Variants in ATRN observed in about 807,000 individuals in gnomAD.
The protein encoded by ATRN is attractin-2.
A neutral mutation model predicts 178.7 loss-of-function variants in ATRN; 54 were observed. That is an observed-to-expected ratio of 0.30 (90% CI 0.24 to 0.38). The LOEUF (loss-of-function observed/expected upper bound fraction) is 0.38. Among genes scored for constraint, ATRN ranks in the 10% least tolerant of loss-of-function variants. The pLI, the probability that ATRN is intolerant of heterozygous loss-of-function variation, is 1.00. For missense variants in ATRN, 1,443 were observed against 1,815.1 expected, an observed-to-expected ratio of 0.79 and a Z score of 3.73; for synonymous variants, 636 against 663.0, an observed-to-expected ratio of 0.96 and a Z score of 0.63.
intron 18 of ATRN, among the ~76,000 whole-genome samples, chr20:3,587,563 T>C (rs925942686): frequency 2.1e-4 from 32 of 152,242 alleles, no homozygotes; most frequent in African/African-American, 7.0e-4. Flanking sequence ...TTTTCTAAGC[T>C]CTCATTTTTG....
intron 18 of ATRN, among the ~76,000 whole-genome samples, chr20:3,590,613 A>G (rs2046365531): frequency 6.6e-6 from 1 of 152,266 alleles, no homozygotes; most frequent in African/African-American, 2.4e-5. Flanking sequence ...ATGTAAAGCA[A>G]ACTAAATATT....
chr20:3,602,191 G>C (rs577059010), intron 23 of ATRN, among the ~76,000 whole-genome samples: 1 of 151,954 alleles, frequency 6.6e-6, no homozygotes, highest in East Asian at 1.9e-4. Context: ...TCAGCCAGGC[G>C]TGGAGGCACG....
intron 1 of ATRN, among the ~76,000 whole-genome samples, chr20:3,497,738 A>G (rs1000399678): frequency 3.3e-5 from 5 of 152,086 alleles, no homozygotes; most frequent in Admixed American, 6.5e-5. Context: ...GTTCTCCTGG[A>G]TAATATCCTG....
intron 1 of ATRN, among the ~76,000 whole-genome samples, chr20:3,479,768 G>T (rs1361557238): frequency 6.6e-6 from 1 of 152,164 alleles, no homozygotes; most frequent in Non-Finnish European, 1.5e-5. Flanking sequence ...TTCGCTTCTG[G>T]AGTTGCCAGC....
chr20:3,582,166 T>A lies in ATRN; in HGVS notation c.2576T>A (p.Leu859His). ...SKLTLTPWVG[L>H]RKINVSYWCW... The stretch of plus-strand genomic sequence containing the variant: ...CTCACCTTAACCCCATGGGTCGGCC[T>A]TCGGAAGATCAATGTGTCCTACTGG... Residue 859 changes from leucine to histidine, a missense_variant, in exon 16 of 29, where the codon CTT becomes CAT. Physicochemically the swap from Leu to His is moderately conservative, Grantham distance 99. Around this residue, in one of 4 missense-constraint regions of ATRN, gnomAD observed 212 missense variants for 330.7 expected, o/e 0.64. Coordinates refer to ENST00000262919, the MANE Select transcript of ATRN (RefSeq NM_139321.3). 1 of 1,614,180 alleles carries A rather than the reference T, an allele frequency of 6.2e-7. No homozygotes were observed. Among genetic ancestry groups the A allele is most frequent in the Non-Finnish European group, 8.5e-7 (1 of 1,180,002 alleles).
In ATRN at chr20:3,584,868, A is replaced by C; in HGVS notation, c.3172A>C (p.Ile1058Leu). The change falls in exon 18 of 29, where the codon ATT becomes CTT. Residue 1058 changes from isoleucine (I) to leucine (L), a missense_variant. Around this residue, in one of 4 missense-constraint regions of ATRN, gnomAD observed 80 missense variants for 71.5 expected, o/e 1.12. Transcript: ENST00000262919. Reference sequence around the variant, plus strand: ...GGACAGCAGATACAACTGGTCTTTCATTCACTGTCCAGGTAAGATGCCTTG... The same window carrying C: ...GGACAGCAGATACAACTGGTCTTTCCTTCACTGTCCAGGTAAGATGCCTTG... The part of the protein sequence containing the change: ...LEDSRYNWSF[I>L]HCPACQCNGH... 6.2e-7 allele frequency: 1 copy of C among 1,614,076 alleles called. No individual in the cohort carries two copies. The highest frequency in any genetic ancestry group is 1.7e-5 in the Admixed American group (1 of 60,030).
intron 1 of ATRN, among the ~76,000 whole-genome samples, chr20:3,484,851 G>A (rs931217721): frequency 1.3e-4 from 20 of 151,440 alleles, no homozygotes; most frequent in Non-Finnish European, 2.7e-4. Flanking sequence ...ACTCGATAGA[G>A]AATTTTGTTA....
intron 1 of ATRN, among the ~76,000 whole-genome samples, chr20:3,517,932 C>G (rs2085228865): frequency 6.6e-6 from 1 of 152,170 alleles, no homozygotes; most frequent in Non-Finnish European, 1.5e-5. Flanking sequence ...CAGGTGGCCT[C>G]TTTGCACATA....
rs978190134 is a variant in ATRN at position 3,649,360 on chromosome 20, A to T, written c.*2513A>T. ...GACATTCGGAGTGTACATAAAACAG[A>T]AAAAATCTTCATGTATTTTTATTAA... On this transcript the variant is annotated 3_prime_UTR_variant, in exon 29 of 29. Transcript: ENST00000262919. 6.6e-6 allele frequency: 1 copy of T among 152,654 alleles called. No homozygotes were observed. The highest frequency in any genetic ancestry group is 1.5e-5 in the Non-Finnish European group (1 of 68,038). 9.5% of individuals were successfully genotyped at this position (152,654 alleles called of 1,614,324 possible).
intron 13 of ATRN, among the ~76,000 whole-genome samples, chr20:3,576,588 G>C (rs952192038): frequency 1.3e-5 from 2 of 152,002 alleles, no homozygotes; most frequent in Non-Finnish European, 2.9e-5. Context: ...TAAAAGAGTG[G>C]GCTGCTTCCT....
chr20:3,545,515 G>A lies in ATRN; in HGVS notation c.609-247G>A, dbSNP rs115591503. Among the ~76,000 whole-genome samples the A allele has an allele frequency of 4.7e-3, 717 of 152,238 alleles. 5 individuals are homozygous for A. The highest frequency in any genetic ancestry group is 0.016 in the African/African-American group (677 of 41,538). ...AAAGTTTTATAAGAAAAAGAATAGGGCCATTGATTTCAAATCTCATTAGAA... is the reference window on the plus strand; with the variant it reads ...AAAGTTTTATAAGAAAAAGAATAGGACCATTGATTTCAAATCTCATTAGAA... On this transcript the variant is annotated intron_variant, in intron 3 of 28. Coordinates refer to ENST00000262919, the MANE Select transcript of ATRN (RefSeq NM_139321.3).
chr20:3,596,302 G>C, intron 20 of ATRN, 75 bp from the exon 21 acceptor site: 1 of 1,393,284 alleles, frequency 7.2e-7, no homozygotes. Flanking sequence ...TTATATAAAA[G>C]GATCTGTTTG....
At position 3,644,100 on chromosome 20, in the gene ATRN, C is replaced by T. The variant is rs1018409588; in HGVS notation, c.4051-54C>T. ...AAGCACAAATGACCGTTAAGTTGTCCGTATACATTAAAGCTTGAGTATCAC... is the reference window on the plus strand; with the variant it reads ...AAGCACAAATGACCGTTAAGTTGTCTGTATACATTAAAGCTTGAGTATCAC... On this transcript the variant is annotated intron_variant, in intron 27 of 28. Coordinates refer to ENST00000262919, the MANE Select transcript of ATRN (RefSeq NM_139321.3). The T allele has an allele frequency of 5.2e-5, 68 of 1,316,876 alleles. No homozygotes were observed. The African/African-American group carries it at 5.2e-4, about 10-fold the overall frequency. The allele number at this position is 1,316,876 out of a possible 1,614,324, so 81.6% of individuals were successfully genotyped here.
intron 1 of ATRN, among the ~76,000 whole-genome samples, chr20:3,534,270 C>T (rs760604988): frequency 7.2e-5 from 11 of 152,060 alleles, no homozygotes; most frequent in Non-Finnish European, 1.3e-4. Flanking sequence ...GCCAAAGTCT[C>T]ATTGGAAAGG....
intron 24 of ATRN, among the ~76,000 whole-genome samples, chr20:3,623,829 G>A (rs1312042950): frequency 6.6e-6 from 1 of 152,160 alleles, no homozygotes; most frequent in Non-Finnish European, 1.5e-5. Context: ...CTTATGGTCA[G>A]TGACTTAAAA....
intron 11 of ATRN, among the ~76,000 whole-genome samples, chr20:3,571,838 C>T (rs578094606): frequency 1.3e-5 from 2 of 151,934 alleles, no homozygotes; most frequent in East Asian, 1.9e-4. Flanking sequence ...TTCATATGAC[C>T]AGATTTTTCA....
intron 2 of ATRN, among the ~76,000 whole-genome samples, chr20:3,539,485 G>C (rs1176468552): frequency 7.4e-6 from 1 of 135,298 alleles, no homozygotes; most frequent in Non-Finnish European, 1.6e-5. Context: ...AAGAGAAACA[G>C]AAAGAGAATT....
At chr20:3,526,028 C>A (rs762693946) in intron 1 of ATRN, among the ~76,000 whole-genome samples, 3 of 151,930 alleles carry the variant, frequency 2.0e-5, no homozygotes, top group Admixed American at 6.6e-5. Flanking sequence ...CCTATTCAAC[C>A]TAATATGGAA....
At chr20:3,594,356 G>T (rs896323132) in intron 19 of ATRN, 123 bp from the exon 20 acceptor site, 4 of 619,304 alleles carry the variant, frequency 6.5e-6, no homozygotes, top group Non-Finnish European at 8.1e-6. Context: ...TTGAATGCTC[G>T]TACTTTAATC....
Sources: gnomAD v4.1 joint callset for allele counts (sites outside exome capture counted in the v4.1 genomes callset) on GRCh38, gnomAD v4.1.1 for gene constraint, gnomAD v4.1.1 regional missense constraint, MANE v1.5 for transcripts, NCBI Gene and HGNC (gene_info 2026-07-23, HGNC 2026-07-21) for gene names.